TRPM6: variants seen among roughly 807,000 people sequenced by gnomAD.
TRPM6 encodes the protein transient receptor potential cation channel subfamily M member 6.
Under a neutral mutation model 247.6 loss-of-function variants are expected in TRPM6, and 111 were observed. That is an observed-to-expected ratio of 0.45 (90% CI 0.38 to 0.52). The LOEUF is 0.52. Among genes scored for constraint, TRPM6 ranks in the 20% least tolerant of loss-of-function variants. The pLI, the probability that TRPM6 is intolerant of heterozygous loss-of-function variation, is 0.00. For missense variants in TRPM6, 2,126 were observed against 2,421.5 expected (o/e 0.88, Z 2.56); for synonymous variants, 892 against 853.8 (o/e 1.04, Z -0.78).
chr9:74,793,915 A>T (rs562762489), intron 18 of TRPM6, among the ~76,000 whole-genome samples: 2 of 151,526 alleles, frequency 1.3e-5, no homozygotes, highest in African/African-American at 4.8e-5. Flanking sequence ...CAATGAGTAT[A>T]TGTAAGGCAG....
At chr9:74,782,561 C>T in intron 22 of TRPM6, 85 bp from the exon 23 acceptor site, 1 of 1,448,830 alleles carries the variant, frequency 6.9e-7, no homozygotes, top group Non-Finnish European at 9.7e-7. Flanking sequence ...ACATTAACTG[C>T]ACAGAATACC....
intron 17 of TRPM6, among the ~76,000 whole-genome samples, chr9:74,797,635 T>C (rs960904563): frequency 2.0e-5 from 3 of 152,180 alleles, no homozygotes; most frequent in South Asian, 2.1e-4. Context: ...GCCAACTGTA[T>C]AGAAGAACAT....
chr9:74,823,937 T>G (rs1195020973), intron 7 of TRPM6, among the ~76,000 whole-genome samples: 1 of 152,116 alleles, frequency 6.6e-6, no homozygotes, highest in African/African-American at 2.4e-5. Flanking sequence ...TGCGTCTGCA[T>G]GTGTGTGTAG....
intron 38 of TRPM6, among the ~76,000 whole-genome samples, chr9:74,726,458 C>T (rs865970181): frequency 2.6e-5 from 4 of 152,048 alleles, no homozygotes; most frequent in Non-Finnish European, 5.9e-5. Flanking sequence ...TGCAGTGAGC[C>T]GAGATTGCCC....
In TRPM6 at chr9:74,862,096, G is replaced by GAAAAAAAAAAAAAAAAA. The variant is rs577562437; in HGVS notation, c.34-3365_34-3349dup. On this transcript the variant is annotated intron_variant, in intron 1 of 38. Transcript: ENST00000360774. ...CGGTTATCTTATCTCAAAACTACCA[G>GAAAAAAAAAAAAAAAAA]AAAAAAAAAAAAAAAAAAAAAGCAG... Among the ~76,000 whole-genome samples the GAAAAAAAAAAAAAAAAA allele has an allele frequency of 2.0e-5, 2 of 100,544 alleles. 1 individual carries two copies. 66.0% of individuals were successfully genotyped at this position (100,544 alleles called of 152,430 possible). A position where few individuals can be genotyped will look rare whatever the true frequency, so the allele number is the denominator to read the frequency against.
intron 15 of TRPM6, 30 bp downstream of exon 15, chr9:74,803,764 C>T (rs191120973): frequency 1.8e-4 from 278 of 1,509,064 alleles, no homozygotes; most frequent in Admixed American, 2.8e-4. Flanking sequence ...AAACATTTTC[C>T]TTTCAAGTTG....
intron 27 of TRPM6, among the ~76,000 whole-genome samples, chr9:74,759,164 T>G (rs755918394): frequency 1.1e-4 from 16 of 152,102 alleles, no homozygotes; most frequent in Non-Finnish European, 2.4e-4. Flanking sequence ...AGACTCATTA[T>G]TGTTAAGATG....
chr9:74,859,114 G>A (rs1163840180), intron 1 of TRPM6, among the ~76,000 whole-genome samples: 3 of 152,120 alleles, frequency 2.0e-5, no homozygotes, highest in Non-Finnish European at 2.9e-5. Flanking sequence ...CCAAGCTCCC[G>A]AAACTTCAAA....
At chr9:74,758,929 G>T (rs1826529021) in intron 27 of TRPM6, among the ~76,000 whole-genome samples, 1 of 152,062 alleles carries the variant, frequency 6.6e-6, no homozygotes, top group Non-Finnish European at 1.5e-5. Context: ...GTTTAGCAAG[G>T]TTGCAAAATA....
At chr9:74,733,119 T>C (rs184468762) in intron 36 of TRPM6, among the ~76,000 whole-genome samples, 51 of 151,848 alleles carry the variant, frequency 3.4e-4, no homozygotes, top group Admixed American at 2.1e-3. Flanking sequence ...GTTTGAACCA[T>C]TGAATCGTTG....
chr9:74,854,650 T>C (rs1271276059), intron 3 of TRPM6, among the ~76,000 whole-genome samples: 1 of 152,094 alleles, frequency 6.6e-6, no homozygotes, highest in East Asian at 1.9e-4. Context: ...AACTGAGGGT[T>C]CCAATTTTTT....
intron 16 of TRPM6, 40 bp from the exon 17 acceptor site, chr9:74,800,522 G>A: frequency 7.4e-7 from 1 of 1,355,190 alleles, no homozygotes; most frequent in Non-Finnish European, 1.1e-6. Context: ...AAAGGCAGGT[G>A]AGAGAGCTGC....
chr9:74,731,798 T>A (rs530469221), intron 37 of TRPM6, among the ~76,000 whole-genome samples: 5 of 151,920 alleles, frequency 3.3e-5, no homozygotes, highest in African/African-American at 1.2e-4. Context: ...TGCTGGCAGT[T>A]CTCAAGAGTG....
chr9:74,835,037 G>GT (rs1329092714), intron 5 of TRPM6, among the ~76,000 whole-genome samples: 1 of 152,030 alleles, frequency 6.6e-6, no homozygotes, highest in African/African-American at 2.4e-5. Flanking sequence ...GGTTGAACTA[G>GT]TTTACACTCC....
At chr9:74,765,592 C>T (rs1228868322) in intron 25 of TRPM6, among the ~76,000 whole-genome samples, 2 of 152,134 alleles carry the variant, frequency 1.3e-5, no homozygotes, top group Non-Finnish European at 2.9e-5. Flanking sequence ...AGGAACCTAA[C>T]CAATTGTGTC....
At position 74,834,077 on chromosome 9, in the gene TRPM6, T is replaced by C; in HGVS notation, c.590A>G (p.His197Arg). The C allele has an allele frequency of 6.2e-7, 1 of 1,614,086 alleles. No homozygotes were observed. The highest frequency in any genetic ancestry group is 1.1e-5 in the South Asian group (1 of 91,080). Residue 197 changes from histidine to arginine, a missense_variant, in exon 6 of 39, where the codon CAT becomes CGT. His to Arg is a conservative substitution (Grantham distance 29). This residue lies in a region of TRPM6 where 1,082 missense variants were observed against 1,307.9 expected (regional missense o/e 0.83). Transcript: ENST00000360774. ...VGDALKSHSS[H>R]SLRKIWTVGI... is the part of the protein sequence containing the mutation. ...AACTGTCCAGATTTTTCTCAAGGAA[T>C]GAGAGGAATGGGATTTCAAGGCATC...
In TRPM6 at chr9:74,843,793, C is replaced by T. The variant is rs111566702; in HGVS notation, c.153-1450G>A. On this transcript the variant is annotated intron_variant, in intron 3 of 38. Coordinates refer to ENST00000360774, the MANE Select transcript of TRPM6 (RefSeq NM_017662.5). ...TAGTGCCACTGCACTTCAGCCTGGG[C>T]GACAAAGCAAGACTCCATCTCAAAA... Among the ~76,000 whole-genome samples the T allele has an allele frequency of 9.9e-3, 1,330 of 134,676 alleles. 17 individuals are homozygous for T. The highest frequency in any genetic ancestry group is 0.035 in the African/African-American group (1,234 of 35,436). 88.4% of individuals were successfully genotyped at this position (134,676 alleles called of 152,430 possible).
chr9:74,805,381 C>T (rs953199497), intron 14 of TRPM6, among the ~76,000 whole-genome samples: 1 of 152,142 alleles, frequency 6.6e-6, no homozygotes, highest in Non-Finnish European at 1.5e-5. Context: ...ATAATCTGCC[C>T]ACACTAAGAG....
intron 3 of TRPM6, among the ~76,000 whole-genome samples, chr9:74,845,859 T>C (rs1385819714): frequency 6.6e-6 from 1 of 152,130 alleles, no homozygotes; most frequent in African/African-American, 2.4e-5. Flanking sequence ...TAATTTATCA[T>C]TTTATGCATT....
Sources: allele counts gnomAD v4.1 joint callset (sites outside exome capture counted in the v4.1 genomes callset), GRCh38; gene constraint gnomAD v4.1.1; regional missense constraint gnomAD v4.1.1; transcripts MANE v1.5; gene names NCBI Gene and HGNC (gene_info 2026-07-23, HGNC 2026-07-21).